Variants in VPS13A observed in about 807,000 individuals in gnomAD.
VPS13A encodes vacuolar protein sorting 13 homolog A.
Under a neutral mutation model 390.9 loss-of-function variants are expected in VPS13A, and 264 were observed. The ratio of observed to expected loss-of-function variants is 0.68; its 90% CI spans 0.61 to 0.75. The LOEUF (loss-of-function observed/expected upper bound fraction) is 0.75, where lower values mean the gene tolerates loss of function less well. VPS13A is among the 30% of genes least tolerant of loss of function. The pLI is 0.00. For synonymous variants in VPS13A, 1,231 were observed against 1,227.1 expected, an observed-to-expected ratio of 1.00 and a Z score of -0.07; for missense variants, 3,409 against 3,733.9, an observed-to-expected ratio of 0.91 and a Z score of 2.27.
At chr9:77,329,866 G>T (rs1329249244) in intron 45 of VPS13A, among the ~76,000 whole-genome samples, 2 of 152,166 alleles carry the variant, frequency 1.3e-5, no homozygotes, top group Admixed American at 1.3e-4. Context: ...TACACAGCTA[G>T]TAATCAGCAC....
intron 36 of VPS13A, 73 bp downstream of exon 36, chr9:77,314,192 A>G: frequency 2.0e-6 from 3 of 1,513,036 alleles, no homozygotes; most frequent in South Asian, 2.3e-5. Flanking sequence ...TAAAGTAACA[A>G]ATGTTAATAT....
At chr9:77,179,343 T>TCC (rs1823860424) in intron 1 of VPS13A, among the ~76,000 whole-genome samples, 1 of 152,180 alleles carries the variant, frequency 6.6e-6, no homozygotes, top group Non-Finnish European at 1.5e-5. Flanking sequence ...TCATCAAGCC[T>TCC]CCCGAATTCT....
intron 17 of VPS13A, among the ~76,000 whole-genome samples, chr9:77,236,893 T>C (rs990683474): frequency 2.6e-5 from 4 of 152,140 alleles, no homozygotes; most frequent in African/African-American, 9.7e-5. Context: ...TATCAAGTTT[T>C]AGTAGATTTT....
intron 17 of VPS13A, among the ~76,000 whole-genome samples, chr9:77,233,940 A>G (rs1823986585): frequency 6.6e-6 from 1 of 152,038 alleles, no homozygotes; most frequent in African/African-American, 2.4e-5. Context: ...CTGTTACTTT[A>G]TTGTTCCTCT....
At chr9:77,238,867 T>C (rs1824301617) in intron 19 of VPS13A, among the ~76,000 whole-genome samples, 1 of 152,230 alleles carries the variant, frequency 6.6e-6, no homozygotes, top group Non-Finnish European at 1.5e-5. Flanking sequence ...GATTGAACTT[T>C]TTAATTAAAT....
chr9:77,192,067 T>C (rs1379489589), intron 1 of VPS13A, among the ~76,000 whole-genome samples: 1 of 152,228 alleles, frequency 6.6e-6, no homozygotes, highest in Non-Finnish European at 1.5e-5. Flanking sequence ...TTAAGTCTTC[T>C]TGTTGAATTC....
intron 68 of VPS13A, among the ~76,000 whole-genome samples, chr9:77,390,803 C>A (rs768441493): frequency 3.9e-5 from 6 of 151,908 alleles, no homozygotes; most frequent in Non-Finnish European, 7.4e-5. Context: ...CTCAGCCTCC[C>A]AAGTAGCTGG....
At chr9:77,309,877 G>GA (rs11413586) in intron 35 of VPS13A, among the ~76,000 whole-genome samples, 34,469 of 146,216 alleles carry the variant, frequency 0.24, 4,342 homozygotes, top group East Asian at 0.42. Flanking sequence ...TGAAGTTTCA[G>GA]AAAAAAAAAA....
In VPS13A at chr9:77,419,254, G is replaced by A. The variant is rs1232266512; in HGVS notation, c.*3248G>A. ...TCATGAAATCAACTTAACAGCTCAA[G>A]ACCAGTATATTTTAAACGTGAAATA... On this transcript the variant is annotated 3_prime_UTR_variant, in exon 72 of 72. Transcript: ENST00000360280. The A allele has an allele frequency of 6.6e-6, 1 of 152,064 alleles. No homozygotes were observed. Among genetic ancestry groups the A allele is most frequent in the African/African-American group, 2.4e-5 (1 of 41,404 alleles). 9.4% of individuals were successfully genotyped at this position (152,064 alleles called of 1,614,324 possible). A position where few individuals can be genotyped will look rare whatever the true frequency, so the allele number is the denominator to read the frequency against.
intron 26 of VPS13A, among the ~76,000 whole-genome samples, chr9:77,278,339 C>T (rs1358224644): frequency 6.6e-6 from 1 of 150,588 alleles, no homozygotes; most frequent in Non-Finnish European, 1.5e-5. Context: ...TCCCAAAGTG[C>T]TGGGATTACA....
chr9:77,409,489 T>C (rs140320210), intron 71 of VPS13A, among the ~76,000 whole-genome samples: 8,937 of 152,034 alleles, frequency 0.059, 379 homozygotes, highest in South Asian at 0.12. Flanking sequence ...CTTCAGATGA[T>C]CAAACTACAC....
intron 20 of VPS13A, among the ~76,000 whole-genome samples, chr9:77,248,686 C>A (rs1824973244): frequency 6.6e-6 from 1 of 152,032 alleles, no homozygotes; most frequent in Admixed American, 6.6e-5. Flanking sequence ...GTCATATTAG[C>A]CACATTTAAG....
chr9:77,227,358 T>A (rs762301407), intron 15 of VPS13A, 33 bp from the exon 16 acceptor site: 6 of 1,459,620 alleles, frequency 4.1e-6, no homozygotes, highest in Non-Finnish European at 5.8e-6. Context: ...TGTTTTTATT[T>A]AAGAACATAA....
chr9:77,301,955 A>AT (rs1403608470), intron 33 of VPS13A, among the ~76,000 whole-genome samples: 1 of 131,032 alleles, frequency 7.6e-6, no homozygotes, highest in Non-Finnish European at 1.7e-5. Context: ...TTACATAGAG[A>AT]TATTTTTTTT....
chr9:77,412,684 G>A (rs1834994144), intron 71 of VPS13A, among the ~76,000 whole-genome samples: 1 of 152,044 alleles, frequency 6.6e-6, no homozygotes, highest in East Asian at 1.9e-4. Flanking sequence ...TTTGAAAACT[G>A]GCACAAGACA....
At chr9:77,384,650 T>C in intron 68 of VPS13A, 1 of 1,602,264 alleles carries the variant, frequency 6.2e-7, no homozygotes, top group Middle Eastern at 1.8e-4. Context: ...ATGATGATGA[T>C]GATGATGATG....
chr9:77,391,881 A>G (rs1833913534), intron 68 of VPS13A, among the ~76,000 whole-genome samples: 1 of 152,206 alleles, frequency 6.6e-6, no homozygotes, highest in African/African-American at 2.4e-5. Flanking sequence ...CCATGTATTC[A>G]TTTGTTCTAC....
intron 31 of VPS13A, among the ~76,000 whole-genome samples, chr9:77,284,820 C>A (rs192038313): frequency 6.6e-6 from 1 of 152,066 alleles, no homozygotes; most frequent in Non-Finnish European, 1.5e-5. Context: ...TCTCGTGCCT[C>A]AGCCTCGTGA....
intron 13 of VPS13A, among the ~76,000 whole-genome samples, chr9:77,224,852 AAAG>A (rs1295159225): frequency 6.6e-6 from 1 of 152,184 alleles, no homozygotes; most frequent in Non-Finnish European, 1.5e-5. Context: ...TCAGTTGTGA[AAAG>A]AAGAGTCAAT....
Sources: gnomAD v4.1 joint callset for allele counts (sites outside exome capture counted in the v4.1 genomes callset) on GRCh38, gnomAD v4.1.1 for gene constraint, MANE v1.5 for transcripts, NCBI Gene and HGNC (gene_info 2026-07-23, HGNC 2026-07-21) for gene names.